The following TMEM178B variants were observed in gnomAD, a reference collection of about 807,000 sequenced individuals.
TMEM178B encodes the protein transmembrane protein 178B.
In TMEM178B, 5 loss-of-function variants were observed where a neutral mutation model predicts 31.0. The ratio of observed to expected loss-of-function variants is 0.16; its 90% CI spans 0.08 to 0.34. TMEM178B has a LOEUF of 0.34. Among genes scored for constraint, TMEM178B ranks in the 10% least tolerant of loss-of-function variants. The pLI, the probability that TMEM178B is intolerant of heterozygous loss-of-function variation, is 1.00. For synonymous variants in TMEM178B, 164 were observed against 164.0 expected (o/e 1.00, Z 0.00); for missense variants, 275 against 400.3 (o/e 0.69, Z 2.67).
chr7:141,492,750 C>G, the TMEM178B span, among the ~76,000 whole-genome samples: 3,520 of 152,272 alleles, frequency 0.023, 86 homozygotes, highest in Middle Eastern at 0.037. Flanking sequence ...GAGCTGCTAA[C>G]CACCCCCTCT....
intron 2 of TMEM178B, among the ~76,000 whole-genome samples, chr7:141,375,461 G>A (rs1800196801): frequency 6.6e-6 from 1 of 152,190 alleles, no homozygotes; most frequent in Non-Finnish European, 1.5e-5. Flanking sequence ...TACAAATATA[G>A]TAGAAACCTT....
chr7:141,202,893 G>T (rs979316485), intron 1 of TMEM178B, among the ~76,000 whole-genome samples: 25 of 152,250 alleles, frequency 1.6e-4, no homozygotes, highest in Non-Finnish European at 2.4e-4. Flanking sequence ...GGACAGGGCT[G>T]TGGGGGGTGT....
At chr7:141,119,046 C>G (rs970078614) in intron 1 of TMEM178B, among the ~76,000 whole-genome samples, 1 of 152,038 alleles carries the variant, frequency 6.6e-6, no homozygotes, top group African/African-American at 2.4e-5. Context: ...TCCCAGAAGT[C>G]CTGAAACAAG....
intron 2 of TMEM178B, among the ~76,000 whole-genome samples, chr7:141,216,439 G>GTGTA (rs1284686043): frequency 1.4e-5 from 1 of 73,924 alleles, no homozygotes; most frequent in African/African-American, 4.0e-5. Flanking sequence ...GTGTGTGTGT[G>GTGTA]TGTGTGTGTG....
At chr7:141,328,967 A>G (rs1429708712) in intron 2 of TMEM178B, among the ~76,000 whole-genome samples, 2 of 152,104 alleles carry the variant, frequency 1.3e-5, no homozygotes, top group East Asian at 1.9e-4. Flanking sequence ...GATCATTTTG[A>G]TATGCTGTGC....
chr7:141,447,571 T>C (rs1801783401), intron 3 of TMEM178B, among the ~76,000 whole-genome samples: 1 of 152,068 alleles, frequency 6.6e-6, no homozygotes, highest in Non-Finnish European at 1.5e-5. Flanking sequence ...TCTCTATCTG[T>C]TTCACAGCTT....
chr7:141,381,409 G>C (rs1800312736), intron 2 of TMEM178B, among the ~76,000 whole-genome samples: 1 of 152,204 alleles, frequency 6.6e-6, no homozygotes, highest in African/African-American at 2.4e-5. Context: ...TGGTTTGTCA[G>C]AGAACTAAGT....
intron 2 of TMEM178B, among the ~76,000 whole-genome samples, chr7:141,435,821 T>C (rs1258458078): frequency 6.6e-6 from 1 of 152,210 alleles, no homozygotes; most frequent in Non-Finnish European, 1.5e-5. Context: ...CACTTCTACC[T>C]GGCTGGGACA....
intron 2 of TMEM178B, among the ~76,000 whole-genome samples, chr7:141,331,470 T>G (rs945690339): frequency 2.6e-5 from 4 of 152,026 alleles, no homozygotes; most frequent in Non-Finnish European, 5.9e-5. Context: ...ATTGGTGGGT[T>G]AAGAAAAAAG....
chr7:141,146,861 GGCTGTGTCTGC>G (rs1333629726), intron 1 of TMEM178B, among the ~76,000 whole-genome samples: 1 of 152,160 alleles, frequency 6.6e-6, no homozygotes, highest in Non-Finnish European at 1.5e-5. Flanking sequence ...TGTATCTTCA[GGCTGTGTCTGC>G]GCATGAGGAT....
At position 141,437,729 on chromosome 7, in the gene TMEM178B, G is replaced by T; in HGVS notation, c.618G>T (p.Leu206=). 1 of 1,536,236 alleles carries T rather than the reference G, an allele frequency of 6.5e-7. No individual in the cohort carries two copies. Among genetic ancestry groups the T allele is most frequent in the Non-Finnish European group, 8.7e-7 (1 of 1,146,896 alleles). The change falls in exon 3 of 4, where the codon CTG becomes CTT. Residue 206 remains leucine (L), a synonymous_variant. Transcript: ENST00000565468. ...GCCTTATGCAGTACGTGGCAGGGCT[G>T]CTCTTCCTCATGGGAGGTAAGGCTA... ...DRGLMQYVAG[L]LFLMGGTFCI...
At position 141,226,859 on chromosome 7, in the gene TMEM178B, G is replaced by GA. The variant is rs35251476; in HGVS notation, c.496+14170dup. Among the ~76,000 whole-genome samples, 53 of 37,272 alleles carry GA rather than the reference G, an allele frequency of 1.4e-3. 2 individuals are homozygous for GA. Among genetic ancestry groups the GA allele is most frequent in the South Asian group, 2.8e-3 (4 of 1,406 alleles). The allele number at this position is 37,272 out of a possible 152,430, so 24.5% of individuals were successfully genotyped here. A position where few individuals can be genotyped will look rare whatever the true frequency, so the allele number is the denominator to read the frequency against. ...AGCAACAGAGTGAGACTACCACTCT[G>GA]AAAAAAAAAAAAAAAGAAAAAGAAA... On this transcript the variant is annotated intron_variant, in intron 2 of 3. Coordinates refer to ENST00000565468, the MANE Select transcript of TMEM178B (RefSeq NM_001195278.2).
intron 3 of TMEM178B, among the ~76,000 whole-genome samples, chr7:141,465,790 A>G (rs1802138945): frequency 6.6e-6 from 1 of 152,174 alleles, no homozygotes; most frequent in African/African-American, 2.4e-5. Flanking sequence ...TGGGAGGCCA[A>G]GGTGCCTGGA....
chr7:141,078,781 A>G (rs1794516575), intron 1 of TMEM178B, among the ~76,000 whole-genome samples: 2 of 152,118 alleles, frequency 1.3e-5, no homozygotes, highest in African/African-American at 4.8e-5. Flanking sequence ...ATTTCAGGCA[A>G]TGGGCCAGCA....
At chr7:141,165,436 C>G (rs910567936) in intron 1 of TMEM178B, among the ~76,000 whole-genome samples, 12 of 152,204 alleles carry the variant, frequency 7.9e-5, no homozygotes, top group Middle Eastern at 3.2e-3. Flanking sequence ...AGCCCCCTTT[C>G]ATTGCATCAT....
chr7:141,470,811 T>TATATATAAATATATATATATAATATAC lies in TMEM178B; in HGVS notation c.*35_*61dup, dbSNP rs1802226743. 1.0e-6 allele frequency: 1 copy of TATATATAAATATATATATATAATATAC among 1,003,450 alleles called. No homozygotes were observed. Among genetic ancestry groups the TATATATAAATATATATATATAATATAC allele is most frequent in the Non-Finnish European group, 1.2e-6 (1 of 805,080 alleles). The allele number at this position is 1,003,450 out of a possible 1,614,324, so 62.2% of individuals were successfully genotyped here. A position where few individuals can be genotyped will look rare whatever the true frequency, so the allele number is the denominator to read the frequency against. ...AAAAACAAACCCATACATACATATA[T>TATATATAAATATATATATATAATATAC]ATATATAAATATATATATATAATAT... On this transcript the variant is annotated 3_prime_UTR_variant, in exon 4 of 4. Coordinates refer to ENST00000565468, the MANE Select transcript of TMEM178B (RefSeq NM_001195278.2).
chr7:141,506,190 T>C, the TMEM178B span, among the ~76,000 whole-genome samples: 3 of 152,234 alleles, frequency 2.0e-5, no homozygotes, highest in Admixed American at 1.3e-4. Context: ...TTTTCTTTTA[T>C]ATTTTCAAGC....
intron 2 of TMEM178B, among the ~76,000 whole-genome samples, chr7:141,436,547 T>C (rs1351726605): frequency 6.7e-6 from 1 of 150,258 alleles, no homozygotes; most frequent in South Asian, 2.1e-4. Context: ...TGGTGAAGGG[T>C]AGAGGGGTGG....
intron 1 of TMEM178B, among the ~76,000 whole-genome samples, chr7:141,094,124 A>G (rs1008082449): frequency 6.6e-6 from 1 of 152,124 alleles, no homozygotes; most frequent in Admixed American, 6.6e-5. Context: ...AAAAGGAGAG[A>G]ATAGAATTGC....
Sources: allele counts gnomAD v4.1 joint callset (sites outside exome capture counted in the v4.1 genomes callset), GRCh38; gene constraint gnomAD v4.1.1; transcripts MANE v1.5; gene names NCBI Gene and HGNC (gene_info 2026-07-23, HGNC 2026-07-21).